The following CIMAP3 variants were observed in gnomAD, a reference collection of about 807,000 sequenced individuals.
The protein encoded by CIMAP3 is ciliary microtubule-associated protein 3.
chr1:111,329,205 G>T, the CIMAP3 span, among the ~76,000 whole-genome samples: 14 of 152,090 alleles, frequency 9.2e-5, no homozygotes, highest in South Asian at 2.9e-3. Flanking sequence ...GGGTTTCAGC[G>T]GAGAGGTCAC....
chr1:111,345,445 G>GGACA, the CIMAP3 span, among the ~76,000 whole-genome samples: 1 of 152,134 alleles, frequency 6.6e-6, no homozygotes, highest in Non-Finnish European at 1.5e-5. Flanking sequence ...GTGGGACATG[G>GGACA]GACAACTCAC....
At chr1:111,330,476 C>T in the CIMAP3 span, among the ~76,000 whole-genome samples, 2 of 152,294 alleles carry the variant, frequency 1.3e-5, no homozygotes, top group South Asian at 4.2e-4. Context: ...GGTGTTGAAG[C>T]TTTGGGGTGT....
At chr1:111,346,950 G>A in the CIMAP3 span, 4 of 1,613,746 alleles carry the variant, frequency 2.5e-6, no homozygotes, top group Non-Finnish European at 3.4e-6. Context: ...GTCAACAGAG[G>A]AAACTTTTTC....
At chr1:111,346,320 T>C in the CIMAP3 span, 1 of 243,640 alleles carries the variant, frequency 4.1e-6, no homozygotes, top group Non-Finnish European at 8.0e-6. Flanking sequence ...CTTCGGGACA[T>C]TCTGAACCTC....
the CIMAP3 span, among the ~76,000 whole-genome samples, chr1:111,343,830 T>C: frequency 5.9e-5 from 9 of 152,376 alleles, no homozygotes; most frequent in Middle Eastern, 3.4e-3. Context: ...AATTTCTCTT[T>C]CCTTGAGTAT....
At chr1:111,351,166 G>GTTTTTTTTTTTT in the CIMAP3 span, 3 of 574,738 alleles carry the variant, frequency 5.2e-6, no homozygotes, top group South Asian at 3.5e-5. Flanking sequence ...ATAATGTACA[G>GTTTTTTTTTTTT]TTTTTTTTTT....
the CIMAP3 span, among the ~76,000 whole-genome samples, chr1:111,345,828 CT>C: frequency 7.9e-5 from 12 of 152,240 alleles, 1 homozygote; most frequent in African/African-American, 2.6e-4. Flanking sequence ...ACACTCTGAT[CT>C]TTTTTTCTTC....
At chr1:111,350,783 G>A in the CIMAP3 span, among the ~76,000 whole-genome samples, 1,544 of 152,284 alleles carry the variant, frequency 0.01, 31 homozygotes, top group African/African-American at 0.035. Flanking sequence ...GAATCAATCC[G>A]ATAAGGTTAT....
chr1:111,339,945 A>T, the CIMAP3 span, among the ~76,000 whole-genome samples: 4 of 151,870 alleles, frequency 2.6e-5, no homozygotes, highest in Middle Eastern at 3.4e-3. Flanking sequence ...ACAGTACCTG[A>T]CTTCAAACTA....
chr1:111,346,819 C>G, the CIMAP3 span: 2 of 1,579,882 alleles, frequency 1.3e-6, no homozygotes, highest in Non-Finnish European at 1.7e-6. Context: ...GCCCTGTCCT[C>G]TGCTCAGTCT....
At chr1:111,347,826 A>T in the CIMAP3 span, 1 of 1,278,554 alleles carries the variant, frequency 7.8e-7, no homozygotes, top group South Asian at 1.2e-5. Context: ...TTTGCACAGG[A>T]GTGCAAAGGG....
chr1:111,348,616 A>C, the CIMAP3 span: 2 of 1,611,690 alleles, frequency 1.2e-6, no homozygotes, highest in Non-Finnish European at 1.7e-6. Context: ...CCTCGATTTA[A>C]GAACTACCCA....
chr1:111,325,475 CTCTT>C, the CIMAP3 span, among the ~76,000 whole-genome samples: 32 of 152,264 alleles, frequency 2.1e-4, no homozygotes, highest in African/African-American at 6.3e-4. Flanking sequence ...TTTTCCTCCT[CTCTT>C]TCTCTCTTCT....
chr1:111,339,968 C>G, the CIMAP3 span, among the ~76,000 whole-genome samples: 1 of 150,736 alleles, frequency 6.6e-6, no homozygotes, highest in Non-Finnish European at 1.5e-5. Flanking sequence ...CTACAAGGCT[C>G]CAGTAACCAA....
chr1:111,347,063 T>A, the CIMAP3 span: 1 of 1,592,318 alleles, frequency 6.3e-7, no homozygotes, highest in Non-Finnish European at 8.6e-7. Flanking sequence ...AGTATTCACC[T>A]CCCCTTAGAT....
chr1:111,344,493 C>T, the CIMAP3 span, among the ~76,000 whole-genome samples: 3,161 of 152,306 alleles, frequency 0.021, 97 homozygotes, highest in African/African-American at 0.072. Flanking sequence ...AGGTTGAACT[C>T]ACCACTTTGG....
At chr1:111,347,959 G>A in the CIMAP3 span, among the ~76,000 whole-genome samples, 2 of 152,210 alleles carry the variant, frequency 1.3e-5, no homozygotes, top group Admixed American at 1.3e-4. Flanking sequence ...GCAAATATGC[G>A]TGTGAGTGTA....
the CIMAP3 span, among the ~76,000 whole-genome samples, chr1:111,334,199 G>A: frequency 6.6e-6 from 1 of 152,054 alleles, no homozygotes; most frequent in Non-Finnish European, 1.5e-5. Context: ...AGAAAAGGCT[G>A]GACGAAATAA....
chr1:111,336,533 G>A, the CIMAP3 span, among the ~76,000 whole-genome samples: 4 of 152,144 alleles, frequency 2.6e-5, no homozygotes, highest in Non-Finnish European at 4.4e-5. Flanking sequence ...GCCAAGGCTC[G>A]AGAACTACAT....
Sources: allele counts gnomAD v4.1 joint callset (sites outside exome capture counted in the v4.1 genomes callset), GRCh38; gene constraint gnomAD v4.1.1; transcripts MANE v1.5; gene names NCBI Gene and HGNC (gene_info 2026-07-23, HGNC 2026-07-21).